VIPR2: variants seen among roughly 807,000 people sequenced by gnomAD.
The protein encoded by VIPR2 is vasoactive intestinal polypeptide receptor 2.
VIPR2 carries 48 observed loss-of-function variants against 58.0 expected under a neutral mutation model. The observed-to-expected ratio is 0.83, with a 90% CI of 0.66 to 1.05. The LOEUF (loss-of-function observed/expected upper bound fraction) is 1.05, where lower values mean the gene tolerates loss of function less well. VIPR2 is among the 50% of genes least tolerant of loss of function. VIPR2 has a pLI of 0.00. For missense variants in VIPR2, 534 were observed against 558.0 expected, an observed-to-expected ratio of 0.96 and a Z score of 0.43; for synonymous variants, 243 against 235.2, an observed-to-expected ratio of 1.03 and a Z score of -0.30.
rs1438889101 is a variant in VIPR2, at chr7:159,034,276, A to G, written c.908T>C (p.Ile303Thr). 3.7e-6 allele frequency: 6 copies of G among 1,613,918 alleles called. No individual in the cohort carries two copies. The African/African-American group carries it at 6.7e-5, about 18-fold the overall frequency. ...IVNFVLFISI[I>T]RILLQKLTSP... ...TGTTAACTTCTGCAGCAAAATTCGT[A>G]TAATACTAATGAAAAGGACAAAATT... Residue 303 changes from isoleucine to threonine, a missense_variant, in exon 10 of 13, where the codon ATA (isoleucine) becomes ACA (threonine). Transcript: ENST00000262178.
rs1393107470 is a variant in VIPR2 at position 159,144,819 on chromosome 7, C to G, written c.-48G>C. On this transcript the variant is annotated 5_prime_UTR_variant, in exon 1 of 13. Transcript: ENST00000262178. ...CCGCCCAGCGCCCGCCGCCTCCGTC[C>G]TAGGTCCCCGCGGTTCCGCCGCCTC... The G allele has an allele frequency of 4.9e-6, 6 of 1,234,568 alleles. No individual in the cohort carries two copies. The highest frequency in any genetic ancestry group is 6.1e-6 in the Non-Finnish European group (6 of 989,684). 76.5% of individuals were successfully genotyped at this position (1,234,568 alleles called of 1,614,324 possible). A position where few individuals can be genotyped will look rare whatever the true frequency, so the allele number is the denominator to read the frequency against.
chr7:159,035,251 C>T (rs1853857976), intron 8 of VIPR2, among the ~76,000 whole-genome samples: 1 of 152,114 alleles, frequency 6.6e-6, no homozygotes, highest in Admixed American at 6.5e-5. Flanking sequence ...CCCTCGGGGG[C>T]CGAGGGCAGG....
intron 5 of VIPR2, among the ~76,000 whole-genome samples, chr7:159,043,446 A>G (rs1040331564): frequency 1.1e-4 from 17 of 152,358 alleles, no homozygotes; most frequent in Middle Eastern, 3.4e-3. Flanking sequence ...ATTTGATAAG[A>G]AGTTTCCTAT....
At chr7:159,108,628 C>T (rs973797921) in intron 3 of VIPR2, among the ~76,000 whole-genome samples, 4 of 152,304 alleles carry the variant, frequency 2.6e-5, no homozygotes, top group South Asian at 2.1e-4. Flanking sequence ...CTGACCTGGG[C>T]GCCTGGTGCC....
chr7:159,107,923 A>C (rs1294977799), intron 3 of VIPR2, among the ~76,000 whole-genome samples: 2 of 152,220 alleles, frequency 1.3e-5, no homozygotes, highest in Non-Finnish European at 2.9e-5. Flanking sequence ...CATAGGACAG[A>C]CAGCCCCCAA....
intron 6 of VIPR2, among the ~76,000 whole-genome samples, chr7:159,041,182 A>G (rs562276505): frequency 6.6e-6 from 1 of 152,332 alleles, no homozygotes; most frequent in Admixed American, 6.5e-5. Context: ...GTCCACAGAA[A>G]CAGCCCGGCA....
At chr7:159,134,717 G>C (rs966468136) in intron 2 of VIPR2, among the ~76,000 whole-genome samples, 1 of 151,808 alleles carries the variant, frequency 6.6e-6, no homozygotes, top group Non-Finnish European at 1.5e-5. Context: ...GAGTACAGTG[G>C]GGCCATCTCG....
chr7:159,036,944 C>A, intron 6 of VIPR2, 42 bp from the exon 7 acceptor site: 1 of 1,585,140 alleles, frequency 6.3e-7, no homozygotes, highest in Non-Finnish European at 8.6e-7. Context: ...TGACCTCATC[C>A]GGTAACAGCA....
chr7:159,102,096 G>C (rs1256455452), intron 4 of VIPR2, among the ~76,000 whole-genome samples: 1 of 125,146 alleles, frequency 8.0e-6, no homozygotes, highest in Admixed American at 8.0e-5. Context: ...TCCTGTGGTA[G>C]TGAACTGGTC....
At chr7:159,082,189 A>G (rs1467453000) in intron 4 of VIPR2, among the ~76,000 whole-genome samples, 1 of 152,212 alleles carries the variant, frequency 6.6e-6, no homozygotes, top group Non-Finnish European at 1.5e-5. Flanking sequence ...GGCACTATTC[A>G]CAATAGCAAA....
At chr7:159,042,986 A>C in intron 6 of VIPR2, 49 bp downstream of exon 6, 1 of 1,591,354 alleles carries the variant, frequency 6.3e-7, no homozygotes, top group Non-Finnish European at 8.6e-7. Context: ...AAGAGGGAAC[A>C]GAGATAAAGG....
intron 3 of VIPR2, among the ~76,000 whole-genome samples, chr7:159,109,147 T>A (rs1442232742): frequency 6.6e-6 from 1 of 152,272 alleles, no homozygotes; most frequent in Non-Finnish European, 1.5e-5. Flanking sequence ...ATGTTTCCTA[T>A]GTTTTCTATT....
chr7:159,066,308 G>A (rs1386835352), intron 4 of VIPR2, among the ~76,000 whole-genome samples: 4 of 149,168 alleles, frequency 2.7e-5, no homozygotes, highest in Admixed American at 6.7e-5. Context: ...CGCGGCGTCC[G>A]TGGATTCCAG....
chr7:159,136,666 C>T (rs991247520), intron 2 of VIPR2, among the ~76,000 whole-genome samples: 1 of 152,076 alleles, frequency 6.6e-6, no homozygotes, highest in African/African-American at 2.4e-5. Context: ...TCTCAAGAAC[C>T]CCCGCGTCAA....
intron 6 of VIPR2, among the ~76,000 whole-genome samples, chr7:159,038,757 T>G (rs565078435): frequency 6.6e-6 from 1 of 151,924 alleles, no homozygotes; most frequent in African/African-American, 2.4e-5. Flanking sequence ...AGACGGGAAA[T>G]CTGAAATGAA....
At chr7:159,035,579 G>C (rs909901255) in intron 8 of VIPR2, among the ~76,000 whole-genome samples, 1 of 152,234 alleles carries the variant, frequency 6.6e-6, no homozygotes, top group African/African-American at 2.4e-5. Context: ...GAAGTGCCGG[G>C]GGGCCCTGCA....
intron 2 of VIPR2, among the ~76,000 whole-genome samples, chr7:159,133,850 T>A (rs183556112): frequency 8.3e-4 from 126 of 152,340 alleles, no homozygotes; most frequent in African/African-American, 2.9e-3. Flanking sequence ...ACTTGAGTAA[T>A]CTTTAATAAA....
rs537043920 is a variant in VIPR2 at position 159,098,831 on chromosome 7, C to T, written c.357+4926G>A. ...ACCCAGGGCAGACTTTGGCCCTGTG[C>T]AAGCAGGAAACACAACTAAAAATGT... On this transcript the variant is annotated intron_variant, in intron 4 of 12. Transcript: ENST00000262178. This position sits in a 1 kb window ranked among gnomAD's most constrained non-coding sequence, Gnocchi z 5.2. Among the ~76,000 whole-genome samples, 1 of 152,356 alleles carries T rather than the reference C, an allele frequency of 6.6e-6. No individual in the cohort carries two copies. Among genetic ancestry groups the T allele is most frequent in the East Asian group, 1.9e-4 (1 of 5,182 alleles).
At chr7:159,040,596 T>A (rs958713025) in intron 6 of VIPR2, among the ~76,000 whole-genome samples, 1 of 152,196 alleles carries the variant, frequency 6.6e-6, no homozygotes, top group African/African-American at 2.4e-5. Context: ...TCTTGGCTGA[T>A]CCTAATATCA....
Sources: allele counts gnomAD v4.1 joint callset (sites outside exome capture counted in the v4.1 genomes callset), GRCh38; gene constraint gnomAD v4.1.1; non-coding constraint Gnocchi (gnomAD v3.1); transcripts MANE v1.5; gene names NCBI Gene and HGNC (gene_info 2026-07-23, HGNC 2026-07-21).